Variants in DNM2 observed in about 807,000 individuals in gnomAD.
The protein encoded by DNM2 is dynamin 2, also known as dynamin-2.
A neutral mutation model predicts 99.0 loss-of-function variants in DNM2; 15 were observed. The observed-to-expected ratio is 0.15, with a 90% CI of 0.10 to 0.23. The LOEUF (loss-of-function observed/expected upper bound fraction) is 0.23, where lower values mean the gene tolerates loss of function less well. DNM2 is among the 10% of genes least tolerant of loss of function. DNM2 has a pLI of 1.00. For synonymous variants in DNM2, 525 were observed against 481.2 expected, an observed-to-expected ratio of 1.09 and a Z score of -1.19; for missense variants, 742 against 1,189.4, an observed-to-expected ratio of 0.62 and a Z score of 5.53.
chr19:10,742,625 C>A (rs969145105), intron 1 of DNM2, among the ~76,000 whole-genome samples: 4 of 152,200 alleles, frequency 2.6e-5, no homozygotes, highest in Non-Finnish European at 4.4e-5. Context: ...GCCTGGCCTT[C>A]CTGTCTCTGG....
chr19:10,722,118 G>A (rs1271925165), intron 1 of DNM2, among the ~76,000 whole-genome samples: 1 of 152,134 alleles, frequency 6.6e-6, no homozygotes, highest in Non-Finnish European at 1.5e-5. Context: ...ACGCATGGTG[G>A]CTGTTGTTGT....
intron 1 of DNM2, among the ~76,000 whole-genome samples, chr19:10,724,599 C>G (rs1339724957): frequency 6.6e-6 from 1 of 152,118 alleles, no homozygotes; most frequent in African/African-American, 2.4e-5. Context: ...TGGGAGGATG[C>G]CCGGAGGCCA....
rs1446477437 is a variant in DNM2 at position 10,817,812 on chromosome 19, TGTGTGCGC to T, written c.1672-2166_1672-2159del. On this transcript the variant is annotated intron_variant, in intron 15 of 20. Transcript: ENST00000389253. This position sits in a 1 kb window ranked among gnomAD's most constrained non-coding sequence, Gnocchi z 4.6. ...GGGCGCACACACACGTGTGTGTGTG[TGTGTGCGC>T]GCGCGCGCACGCGTGCGTGCCGGCA... Among the ~76,000 whole-genome samples, 3 of 133,756 alleles carry T rather than the reference TGTGTGCGC, an allele frequency of 2.2e-5. No individual in the cohort carries two copies. The highest frequency in any genetic ancestry group is 5.0e-5 in the Non-Finnish European group (3 of 59,488). The allele number at this position is 133,756 out of a possible 152,430, so 87.7% of individuals were successfully genotyped here. A position where few individuals can be genotyped will look rare whatever the true frequency, so the allele number is the denominator to read the frequency against.
intron 13 of DNM2, among the ~76,000 whole-genome samples, chr19:10,806,912 A>G (rs1461461897): frequency 2.6e-5 from 4 of 152,122 alleles, no homozygotes; most frequent in African/African-American, 9.7e-5. Context: ...GAGCCGCTGG[A>G]AACTACATTG....
At chr19:10,797,272 A>G in intron 9 of DNM2, 108 bp from the exon 10 acceptor site, 1 of 1,499,326 alleles carries the variant, frequency 6.7e-7, no homozygotes, top group Non-Finnish European at 9.0e-7. Flanking sequence ...GCATGGACTA[A>G]TCAGATGACT....
rs1599600991 is a variant in DNM2 at position 10,811,413 on chromosome 19, G to T, written c.1558-851G>T. 1.0e-5 allele frequency: 3 copies of T among 297,990 alleles called. No individual in the cohort carries two copies. Among genetic ancestry groups the T allele is most frequent in the African/African-American group, 2.2e-5 (1 of 45,094 alleles). The allele number at this position is 297,990 out of a possible 1,614,324, so 18.5% of individuals were successfully genotyped here. On this transcript the variant is annotated intron_variant, in intron 14 of 20. Coordinates refer to ENST00000389253, the MANE Select transcript of DNM2 (RefSeq NM_001005361.3). The surrounding 1 kb of genome is among the most constrained non-coding windows in gnomAD (Gnocchi z 5.4). ...ATCTCTGGCGCTCCTGCCGTGCCGTGCCCTGCCATGCCCTGCACTGGGGGA... is the reference window on the plus strand; with the variant it reads ...ATCTCTGGCGCTCCTGCCGTGCCGTTCCCTGCCATGCCCTGCACTGGGGGA...
rs1449714025 is a variant in DNM2 at position 10,816,535 on chromosome 19, C to T, written c.1672-3445C>T. On this transcript the variant is annotated intron_variant, in intron 15 of 20. Coordinates refer to ENST00000389253, the MANE Select transcript of DNM2 (RefSeq NM_001005361.3). This position sits in a 1 kb window ranked among gnomAD's most constrained non-coding sequence, Gnocchi z 4.6. ...CGCCTCAGGCACCTCTAGGAACTCA[C>T]GTGTCCAGATCGGATGGCTCCTCAA... Among the ~76,000 whole-genome samples, 1 of 152,260 alleles carries T rather than the reference C, an allele frequency of 6.6e-6. No homozygotes were observed.
rs1716085704 is a variant in DNM2 at position 10,830,452 on chromosome 19, A to G, written c.2543+74A>G. On this transcript the variant is annotated intron_variant, in intron 20 of 20. Transcript: ENST00000389253. This position sits in a 1 kb window ranked among gnomAD's most constrained non-coding sequence, Gnocchi z 4.8. ...CTCTCCTCCTGTCTCACTTCCTCCC[A>G]GTGAGCTCTCACTACGTGCCCAGCT... is the stretch of plus-strand genomic sequence containing the variant. 1 of 1,520,564 alleles carries G rather than the reference A, an allele frequency of 6.6e-7. No individual in the cohort carries two copies. Among genetic ancestry groups the G allele is most frequent in the Non-Finnish European group, 9.0e-7 (1 of 1,115,844 alleles). The allele number at this position is 1,520,564 out of a possible 1,614,324, so 94.2% of individuals were successfully genotyped here. A position where few individuals can be genotyped will look rare whatever the true frequency, so the allele number is the denominator to read the frequency against.
At chr19:10,789,855 A>G (rs528813026) in intron 7 of DNM2, among the ~76,000 whole-genome samples, 1 of 152,332 alleles carries the variant, frequency 6.6e-6, no homozygotes, top group Admixed American at 6.5e-5. Context: ...AAGTAAATAA[A>G]TAAATAAATA....
At chr19:10,718,705 T>C (rs1029620859) in intron 1 of DNM2, 5 of 249,182 alleles carry the variant, frequency 2.0e-5, no homozygotes, top group Non-Finnish European at 3.8e-5. Context: ...GTCTGCCATC[T>C]GGTTGGCCGT....
In DNM2 at chr19:10,775,561, T is replaced by A. The variant is rs1436135189; in HGVS notation, c.386-142T>A. ...AGAAGGGGAGTTACTGGATCAAAGGTGTGGTTCAGGCAGAGTGTCAGGCGA... is the reference window on the plus strand; with the variant it reads ...AGAAGGGGAGTTACTGGATCAAAGGAGTGGTTCAGGCAGAGTGTCAGGCGA... On this transcript the variant is annotated intron_variant, in intron 3 of 20. Coordinates refer to ENST00000389253, the MANE Select transcript of DNM2 (RefSeq NM_001005361.3). The surrounding 1 kb of genome is among the most constrained non-coding windows in gnomAD (Gnocchi z 4.3). 1 of 880,158 alleles carries A rather than the reference T, an allele frequency of 1.1e-6. No homozygotes were observed. Among genetic ancestry groups the A allele is most frequent in the African/African-American group, 1.6e-5 (1 of 61,012 alleles). 54.5% of individuals were successfully genotyped at this position (880,158 alleles called of 1,614,324 possible). A position where few individuals can be genotyped will look rare whatever the true frequency, so the allele number is the denominator to read the frequency against.
intron 11 of DNM2, among the ~76,000 whole-genome samples, chr19:10,799,214 G>A (rs982078179): frequency 1.1e-4 from 16 of 152,108 alleles, no homozygotes; most frequent in Admixed American, 2.0e-4. Context: ...GAGACAGAGC[G>A]AGACCCCGTC....
In DNM2 at chr19:10,818,604, C is replaced by T. The variant is rs1243461802; in HGVS notation, c.1672-1376C>T. Among the ~76,000 whole-genome samples, 1 of 152,206 alleles carries T rather than the reference C, an allele frequency of 6.6e-6. No homozygotes were observed. Among genetic ancestry groups the T allele is most frequent in the Non-Finnish European group, 1.5e-5 (1 of 68,040 alleles). ...TTCATCCTGGCTCCCCTTGCAAAGT[C>T]CTGACAGTCCCAGCTGGCCCCCACT... On this transcript the variant is annotated intron_variant, in intron 15 of 20. Coordinates refer to ENST00000389253, the MANE Select transcript of DNM2 (RefSeq NM_001005361.3). This position sits in a 1 kb window ranked among gnomAD's most constrained non-coding sequence, Gnocchi z 4.3.
At chr19:10,735,132 C>T (rs1008534980) in intron 1 of DNM2, among the ~76,000 whole-genome samples, 1 of 152,242 alleles carries the variant, frequency 6.6e-6, no homozygotes. Context: ...CAAGCTCTGC[C>T]TCCTGGGTTC....
chr19:10,792,222 G>A (rs1298177369), intron 7 of DNM2, among the ~76,000 whole-genome samples: 1 of 152,230 alleles, frequency 6.6e-6, no homozygotes, highest in African/African-American at 2.4e-5. Context: ...TGGGGATCTG[G>A]GCAGCTTGTG....
At chr19:10,718,761 G>A (rs1935330142) in intron 1 of DNM2, 2 of 177,840 alleles carry the variant, frequency 1.1e-5, no homozygotes. Context: ...CTGTCCATCA[G>A]AGGTGAAACC....
chr19:10,830,843 T>C lies in DNM2; in HGVS notation c.2544-135T>C. On this transcript the variant is annotated intron_variant, in intron 20 of 20. Transcript: ENST00000389253. This position sits in a 1 kb window ranked among gnomAD's most constrained non-coding sequence, Gnocchi z 4.8. ...TTGGCACTCCTGCCCGACACCCTGG[T>C]GGCTTGCGGAGGTCAGCCTGGGAAC... The C allele has an allele frequency of 9.1e-7, 1 of 1,094,388 alleles. No individual in the cohort carries two copies. The highest frequency in any genetic ancestry group is 2.8e-5 in the East Asian group (1 of 35,276). 67.8% of individuals were successfully genotyped at this position (1,094,388 alleles called of 1,614,324 possible). A position where few individuals can be genotyped will look rare whatever the true frequency, so the allele number is the denominator to read the frequency against.
chr19:10,783,295 AT>A (rs1353275612), intron 6 of DNM2, among the ~76,000 whole-genome samples, 175 bp downstream of exon 6: 3 of 152,306 alleles, frequency 2.0e-5, no homozygotes, highest in East Asian at 3.9e-4. Flanking sequence ...TGGAGACCCC[AT>A]CTCTAGGAAA....
chr19:10,795,508 C>A lies in DNM2; in HGVS notation c.1196+69C>A. ...GGTGCGACCCCCCAGCTAATTGGGT[C>A]ACCCACACCTCTGAGTCCCTAATCG... On this transcript the variant is annotated intron_variant, in intron 9 of 20. Coordinates refer to ENST00000389253, the MANE Select transcript of DNM2 (RefSeq NM_001005361.3). The surrounding 1 kb of genome is among the most constrained non-coding windows in gnomAD (Gnocchi z 4.2). 1 of 1,558,804 alleles carries A rather than the reference C, an allele frequency of 6.4e-7. No individual in the cohort carries two copies. Among genetic ancestry groups the A allele is most frequent in the Non-Finnish European group, 8.8e-7 (1 of 1,131,200 alleles).
Sources: gnomAD v4.1 joint callset for allele counts (sites outside exome capture counted in the v4.1 genomes callset) on GRCh38, gnomAD v4.1.1 for gene constraint, Gnocchi (gnomAD v3.1) non-coding constraint, MANE v1.5 for transcripts, NCBI Gene and HGNC (gene_info 2026-07-23, HGNC 2026-07-21) for gene names.